Variants in DLC1 observed in about 807,000 individuals in gnomAD.
The protein encoded by DLC1 is DLC1 Rho GTPase activating protein.
DLC1 carries 54 observed loss-of-function variants against 140.3 expected under a neutral mutation model. The observed-to-expected ratio is 0.38, with a 90% CI of 0.31 to 0.48. The LOEUF is 0.48. Ranked by LOEUF, DLC1 falls within the 20% of genes least tolerant of loss-of-function variation. The pLI is 0.96. For synonymous variants in DLC1, 986 were observed against 728.1 expected (o/e 1.35, Z -5.70); for missense variants, 2,536 against 1,907.0 (o/e 1.33, Z -6.14).
intron 5 of DLC1, among the ~76,000 whole-genome samples, chr8:13,250,598 G>A (rs186319982): frequency 2.2e-4 from 34 of 152,262 alleles, no homozygotes; most frequent in Admixed American, 8.5e-4. Context: ...AAGCAATAAA[G>A]ACTGAATAAC....
intron 2 of DLC1, among the ~76,000 whole-genome samples, chr8:13,465,111 T>G (rs1375122523): frequency 6.6e-6 from 1 of 152,136 alleles, no homozygotes; most frequent in Non-Finnish European, 1.5e-5. Flanking sequence ...GATATGCCAT[T>G]GTATTGATAT....
At chr8:13,168,139 T>C (rs191209654) in intron 5 of DLC1, among the ~76,000 whole-genome samples, 5 of 152,330 alleles carry the variant, frequency 3.3e-5, no homozygotes, top group Middle Eastern at 3.4e-3. Context: ...CCATTTCTTA[T>C]CTTTCTTATG....
chr8:13,092,131 G>C (rs913388945), intron 13 of DLC1, among the ~76,000 whole-genome samples: 6 of 152,316 alleles, frequency 3.9e-5, no homozygotes, highest in Non-Finnish European at 5.9e-5. Flanking sequence ...TATAGTCCCA[G>C]CTACTCGGGA....
chr8:13,408,411 A>C (rs1445595248), intron 2 of DLC1, among the ~76,000 whole-genome samples: 1 of 152,204 alleles, frequency 6.6e-6, no homozygotes, highest in Non-Finnish European at 1.5e-5. Context: ...ATGTTGAAGA[A>C]AATTGGTTTC....
At chr8:13,586,538 T>C (rs1420739014) in intron 1 of DLC1, among the ~76,000 whole-genome samples, 1 of 151,714 alleles carries the variant, frequency 6.6e-6, no homozygotes, top group Non-Finnish European at 1.5e-5. Flanking sequence ...ATGAATTGAG[T>C]TTTTTTAATT....
At chr8:13,519,422 C>G (rs1802698734), upstream of DLC1, among the ~76,000 whole-genome samples, 1 of 152,178 alleles carries the variant, frequency 6.6e-6, no homozygotes. Flanking sequence ...GCTGCCGCTC[C>G]TGGCTCATGT....
rs1466520239 is a variant in DLC1 at position 13,218,982 on chromosome 8, C to CTATATAATTATATACGAATATAAT, written c.1348+86263_1348+86286dup. Reference sequence around the variant, plus strand: ...CGTATATAATTATATACGTATATAACTATATAATTATATACGAATATAATT... The same window carrying CTATATAATTATATACGAATATAAT: ...CGTATATAATTATATACGTATATAACTATATAATTATATACGAATATAATTATATAATTATATACGAATATAATT... On this transcript the variant is annotated intron_variant, in intron 5 of 17. Transcript: ENST00000276297. 1.6e-4 allele frequency among the ~76,000 whole-genome samples: 8 copies of CTATATAATTATATACGAATATAAT among 48,910 alleles called. 1 individual carries two copies. The highest frequency in any genetic ancestry group is 6.3e-4 in the South Asian group (1 of 1,592). 32.1% of individuals were successfully genotyped at this position (48,910 alleles called of 152,430 possible). A position where few individuals can be genotyped will look rare whatever the true frequency, so the allele number is the denominator to read the frequency against.
At position 13,563,297 on chromosome 8, in the gene DLC1, T is replaced by C. The variant is rs538973778; in HGVS notation, c.-126+41240A>G. On this transcript the variant is annotated intron_variant, in intron 1 of 1. Transcript: ENST00000631382. ...AACACAGAATAATTATTAGATGATA[T>C]TAAGGATTTATCGTCACTTGCTAGA... Among the ~76,000 whole-genome samples, 16 of 152,274 alleles carry C rather than the reference T, an allele frequency of 1.1e-4. No individual in the cohort carries two copies. In the South Asian group the frequency reaches 3.1e-3, roughly 30 times the overall value.
intron 5 of DLC1, among the ~76,000 whole-genome samples, chr8:13,225,749 G>T (rs1828767601): frequency 6.6e-6 from 1 of 151,550 alleles, no homozygotes; most frequent in Non-Finnish European, 1.5e-5. Context: ...CTGAGTAGCT[G>T]GGACTACAGG....
intron 2 of DLC1, among the ~76,000 whole-genome samples, chr8:13,466,879 C>T (rs574981082): frequency 6.6e-6 from 1 of 152,114 alleles, no homozygotes; most frequent in South Asian, 2.1e-4. Flanking sequence ...ACCCTGTAGA[C>T]TGGCAATAAC....
chr8:13,459,596 G>A (rs936464629), intron 2 of DLC1, among the ~76,000 whole-genome samples: 3 of 152,170 alleles, frequency 2.0e-5, no homozygotes, highest in Non-Finnish European at 4.4e-5. Context: ...GGAGTGCACA[G>A]TGGTGAGCCC....
At chr8:13,296,186 C>T (rs111324335) in intron 5 of DLC1, among the ~76,000 whole-genome samples, 1 of 151,790 alleles carries the variant, frequency 6.6e-6, no homozygotes, top group Non-Finnish European at 1.5e-5. Context: ...GAGCTCTTGG[C>T]CTCAAGTGAT....
intron 5 of DLC1, among the ~76,000 whole-genome samples, chr8:13,297,282 T>TAAAAAAAAAAAAAACAAAAAAAA (rs1831995911): frequency 1.0e-4 from 1 of 9,636 alleles, no homozygotes; most frequent in African/African-American, 3.6e-4. Context: ...CTTCATACAT[T>TAAAAAAAAAAAAAACAAAAAAAA]AAAAAAAAAA....
intron 4 of DLC1, among the ~76,000 whole-genome samples, chr8:13,362,500 T>C (rs1188577590): frequency 2.0e-5 from 3 of 152,156 alleles, no homozygotes; most frequent in Admixed American, 6.5e-5. Context: ...CTTATGTCGG[T>C]TAACCTTTCC....
chr8:13,597,353 C>G (rs1014937168), intron 1 of DLC1, among the ~76,000 whole-genome samples: 2 of 152,018 alleles, frequency 1.3e-5, no homozygotes, highest in African/African-American at 4.8e-5. Context: ...TTGCTTCTCC[C>G]ATTTCTTACA....
chr8:13,579,359 A>T (rs1212736093), intron 1 of DLC1, among the ~76,000 whole-genome samples: 295 of 27,176 alleles, frequency 0.011, 60 homozygotes, highest in East Asian at 0.028. Flanking sequence ...ATATATATAT[A>T]TATTTTTATA....
chr8:13,311,684 G>A (rs1832669381), intron 4 of DLC1, among the ~76,000 whole-genome samples: 1 of 152,044 alleles, frequency 6.6e-6, no homozygotes, highest in African/African-American at 2.4e-5. Flanking sequence ...TATACTATAT[G>A]GTGCAGAAAT....
At chr8:13,283,080 A>G (rs921707831) in intron 5 of DLC1, among the ~76,000 whole-genome samples, 1 of 152,234 alleles carries the variant, frequency 6.6e-6, no homozygotes, top group Admixed American at 6.5e-5. Context: ...ACTCAGGCAT[A>G]TACATTCAGT....
intron 5 of DLC1, among the ~76,000 whole-genome samples, chr8:13,122,002 T>G (rs1821121299): frequency 6.6e-6 from 1 of 152,194 alleles, no homozygotes; most frequent in South Asian, 2.1e-4. Flanking sequence ...AACATTTCTT[T>G]GTATTCCTTC....
Sources: allele counts gnomAD v4.1 joint callset (sites outside exome capture counted in the v4.1 genomes callset), GRCh38; gene constraint gnomAD v4.1.1; transcripts MANE v1.5; gene names NCBI Gene and HGNC (gene_info 2026-07-23, HGNC 2026-07-21).